The following SEC31B variants were observed in gnomAD, a reference collection of about 807,000 sequenced individuals.
SEC31B encodes the protein protein transport protein Sec31B.
In SEC31B, 113 loss-of-function variants were observed where a neutral mutation model predicts 135.0. The ratio of observed to expected loss-of-function variants is 0.84; its 90% CI spans 0.72 to 0.98. SEC31B has a LOEUF of 0.98. Among genes scored for constraint, SEC31B ranks in the 50% least tolerant of loss-of-function variants. SEC31B has a pLI of 0.00. For synonymous variants in SEC31B, 508 were observed against 549.4 expected (o/e 0.92, Z 1.05); for missense variants, 1,296 against 1,421.1 (o/e 0.91, Z 1.42).
At chr10:100,507,294 A>G in intron 7 of SEC31B, 131 bp downstream of exon 7, 4 of 1,109,894 alleles carry the variant, frequency 3.6e-6, no homozygotes, top group South Asian at 2.8e-5. Context: ...TTGGGTGACT[A>G]TATGTTGACC....
chr10:100,497,037 G>T, intron 17 of SEC31B, 98 bp downstream of exon 17: 1 of 1,455,708 alleles, frequency 6.9e-7, no homozygotes, highest in South Asian at 1.3e-5. Context: ...GTTCCAGCCT[G>T]TCCCAGAAGA....
intron 3 of SEC31B, among the ~76,000 whole-genome samples, chr10:100,511,399 A>G (rs1040754536): frequency 1.3e-4 from 20 of 152,220 alleles, no homozygotes; most frequent in Admixed American, 9.8e-4. Flanking sequence ...AACGGGAACA[A>G]GAGATGGGTG....
intron 7 of SEC31B, among the ~76,000 whole-genome samples, chr10:100,506,727 T>C (rs1049799877): frequency 2.0e-5 from 3 of 152,172 alleles, no homozygotes; most frequent in Non-Finnish European, 4.4e-5. Context: ...GTAGAGATTA[T>C]GAATCAGTAT....
intron 10 of SEC31B, among the ~76,000 whole-genome samples, chr10:100,503,260 C>A (rs796551951): frequency 7.2e-5 from 11 of 152,154 alleles, no homozygotes; most frequent in African/African-American, 2.7e-4. Flanking sequence ...TTAGAAAAAC[C>A]CTTTTTACTC....
rs766167110 is a variant in SEC31B at position 100,490,288 on chromosome 10, C to G, written c.2685G>C (p.Arg895Ser). Residue 895 changes from arginine to serine, a missense_variant, in exon 21 of 26, where the codon AGG becomes AGC. Arg to Ser is a moderately radical substitution (Grantham distance 110, BLOSUM62 -1). Transcript: ENST00000370345. ...SSQPQLLGGQ[R>S]VQVPNPVGFP... is the part of the protein sequence containing the mutation. The stretch of plus-strand genomic sequence containing the variant: ...ATCCCACCGGGTTAGGAACTTGCAC[C>G]CTTTGCCCTCCTAATAGCTGTGGCT... The G allele has an allele frequency of 4.3e-6, 7 of 1,613,800 alleles. No homozygotes were observed. Among genetic ancestry groups the G allele is most frequent in the Admixed American group, 1.7e-5 (1 of 59,968 alleles).
At chr10:100,508,677 A>G in intron 5 of SEC31B, 2 of 419,926 alleles carry the variant, frequency 4.8e-6, no homozygotes, top group Non-Finnish European at 8.9e-6. Context: ...GCTGGGCCCA[A>G]TGCCCTACCC....
rs757355055 is a variant in SEC31B, at chr10:100,488,069, G to C, written c.3318C>G (p.Ala1106=). The C allele has an allele frequency of 1.2e-6, 2 of 1,614,016 alleles. No homozygotes were observed. Among genetic ancestry groups the C allele is most frequent in the Non-Finnish European group, 1.7e-6 (2 of 1,179,982 alleles). Residue 1106 remains alanine (A), a synonymous_variant, in exon 25 of 26, where the codon GCC becomes GCG. Transcript: ENST00000370345. The part of the protein sequence containing the change: ...LKTKRKLEEA[A]QRLEYLYEKL... ...TCTCATATAGATACTCCAGACGCTG[G>C]GCTGCCTCTTCCAGCTTCCTTTTTG...
chr10:100,509,176 A>C (rs548889727), intron 4 of SEC31B, 74 bp from the exon 5 acceptor site: 209 of 1,546,222 alleles, frequency 1.4e-4, no homozygotes, highest in Non-Finnish European at 1.7e-4. Context: ...AAAGAAGCCC[A>C]AATTTGGGGC....
At chr10:100,490,913 G>A in intron 19 of SEC31B, 30 bp from the exon 20 acceptor site, 12 of 1,360,372 alleles carry the variant, frequency 8.8e-6, no homozygotes, top group Non-Finnish European at 1.2e-5. Flanking sequence ...TCAGCTCTTG[G>A]AAAGGAAAGA....
intron 19 of SEC31B, chr10:100,495,143 AC>A (rs527839266): frequency 2.1e-6 from 1 of 466,458 alleles, no homozygotes; most frequent in South Asian, 2.1e-5. Flanking sequence ...GCTATTTTTT[AC>A]ATATCTATCT....
At position 100,509,337 on chromosome 10, in the gene SEC31B, G is replaced by T; in HGVS notation, c.378C>A (p.Ala126=). 1 of 1,613,652 alleles carries T rather than the reference G, an allele frequency of 6.2e-7. No individual in the cohort carries two copies. The highest frequency in any genetic ancestry group is 2.2e-5 in the East Asian group (1 of 44,882). The change falls in exon 4 of 26, where the codon GCC becomes GCA. Residue 126 remains alanine (A), a synonymous_variant. Coordinates refer to ENST00000370345, the MANE Select transcript of SEC31B (RefSeq NM_015490.4). ...GTACCTGGAAAGGATTCAAGTCGAG[G>T]GCTCTGACAGCCCCCGTGTGCTTCT... ...QKQKHTGAVR[A]LDLNPFQGNL... is the part of the protein sequence containing the mutation.
intron 3 of SEC31B, among the ~76,000 whole-genome samples, chr10:100,513,283 T>C (rs1344675159): frequency 6.6e-6 from 1 of 152,178 alleles, no homozygotes; most frequent in Non-Finnish European, 1.5e-5. Flanking sequence ...TACTTATCAG[T>C]AGGGTTAACT....
In SEC31B at chr10:100,506,202, C is replaced by T; in HGVS notation, c.883-1G>A. 6.2e-7 allele frequency: 1 copy of T among 1,614,200 alleles called. No homozygotes were observed. Among genetic ancestry groups the T allele is most frequent in the Non-Finnish European group, 8.5e-7 (1 of 1,180,036 alleles). On this transcript the variant is annotated splice_acceptor_variant, in intron 8 of 25. Coordinates refer to ENST00000370345, the MANE Select transcript of SEC31B (RefSeq NM_015490.4). LOFTEE classifies it high-confidence loss of function. ...TCTGTGTTGGTAGCTTATATACCAC[C>T]TAATATGAGGGAACACACCATTAGG...
Position 100,502,318 on chromosome 10 carries a change from T to C in SEC31B, c.1346A>G (p.Tyr449Cys), listed in dbSNP as rs750941722. ...EALGSGNLLN[Y>C]CQNKSQQALL... Reference sequence around the variant, plus strand: ...AGCTTGCTGGCTCTTGTTCTGACAGTAATTCAGTAGATTTCCTGATCCCAA... The same window carrying C: ...AGCTTGCTGGCTCTTGTTCTGACAGCAATTCAGTAGATTTCCTGATCCCAA... Residue 449 changes from tyrosine (Y) to cysteine (C), a missense_variant, in exon 11 of 26, where the codon TAC becomes TGC. Physicochemically the swap from Tyr to Cys is radical, Grantham distance 194. Transcript: ENST00000370345. The C allele has an allele frequency of 1.9e-6, 3 of 1,614,150 alleles. No homozygotes were observed. The highest frequency in any genetic ancestry group is 2.5e-6 in the Non-Finnish European group (3 of 1,180,016).
Position 100,509,334 on chromosome 10 carries a change from G to A in SEC31B, c.381C>T (p.Leu127=), listed in dbSNP as rs187899809. The part of the protein sequence containing the change: ...KQKHTGAVRA[L]DLNPFQGNLL... ...GTAGTACCTGGAAAGGATTCAAGTC[G>A]AGGGCTCTGACAGCCCCCGTGTGCT... The change falls in exon 4 of 26, where the codon CTC becomes CTT. Residue 127 remains leucine, a synonymous_variant. Coordinates refer to ENST00000370345, the MANE Select transcript of SEC31B (RefSeq NM_015490.4). 69 of 1,613,634 alleles carry A rather than the reference G, an allele frequency of 4.3e-5. 1 individual carries two copies. In the East Asian group the frequency reaches 5.6e-4, roughly 13 times the overall value.
rs1564652396 is a variant in SEC31B at position 100,506,062 on chromosome 10, T to C, written c.1022A>G (p.Gln341Arg). ...YSVMGRSWEVQHMRQADKISS... is the reference protein window; with the variant it reads ...YSVMGRSWEVRHMRQADKISS... ...AACCTTGTCAGCCTGTCTCATATGC[T>C]GGACTTCCCAGCTCCTACCCATCAC... The change falls in exon 9 of 26, where the codon CAG (glutamine) becomes CGG (arginine). Residue 341 changes from glutamine to arginine, a missense_variant. Coordinates refer to ENST00000370345, the MANE Select transcript of SEC31B (RefSeq NM_015490.4). 6.2e-7 allele frequency: 1 copy of C among 1,614,044 alleles called. No individual in the cohort carries two copies. Among genetic ancestry groups the C allele is most frequent in the East Asian group, 2.2e-5 (1 of 44,886 alleles).
At chr10:100,500,094 AG>A (rs1202635319) in intron 11 of SEC31B, 2 of 456,606 alleles carry the variant, frequency 4.4e-6, no homozygotes, top group African/African-American at 4.0e-5. Context: ...CTTCTAAGTC[AG>A]GGCAACTTAC....
intron 5 of SEC31B, chr10:100,508,480 A>T (rs1295173980): frequency 2.1e-6 from 1 of 465,590 alleles, no homozygotes; most frequent in South Asian, 1.5e-5. Context: ...CTGTAAGCAC[A>T]GAAGAAAGAG....
intron 7 of SEC31B, 61 bp from the exon 8 acceptor site, chr10:100,506,481 T>C: frequency 6.9e-7 from 1 of 1,439,232 alleles, no homozygotes; most frequent in Non-Finnish European, 9.8e-7. Flanking sequence ...GTAGGGTGCC[T>C]TATATGTCTT....
Sources: gnomAD v4.1 joint callset for allele counts (sites outside exome capture counted in the v4.1 genomes callset) on GRCh38, gnomAD v4.1.1 for gene constraint, MANE v1.5 for transcripts, NCBI Gene and HGNC (gene_info 2026-07-23, HGNC 2026-07-21) for gene names.